Variants in DLG2 observed in about 807,000 individuals in gnomAD.
DLG2 encodes the protein discs large MAGUK scaffold protein 2.
A neutral mutation model predicts 132.5 loss-of-function variants in DLG2; 45 were observed. That is an observed-to-expected ratio of 0.34 (90% confidence interval 0.27 to 0.44). DLG2 has a LOEUF of 0.44. Among genes scored for constraint, DLG2 ranks in the 20% least tolerant of loss-of-function variants. The pLI, the probability that DLG2 is intolerant of heterozygous loss-of-function variation, is 1.00. For synonymous variants in DLG2, 424 were observed against 419.6 expected, an observed-to-expected ratio of 1.01 and a Z score of -0.13; for missense variants, 1,045 against 1,196.9, an observed-to-expected ratio of 0.87 and a Z score of 1.87.
chr11:84,158,072 T>G (rs1020377294), intron 9 of DLG2, among the ~76,000 whole-genome samples: 1 of 127,704 alleles, frequency 7.8e-6, no homozygotes, highest in Non-Finnish European at 1.7e-5. Flanking sequence ...GTTTTTTTGG[T>G]TTTTTTTTTG....
rs562331919 is a variant in DLG2 at position 83,659,216 on chromosome 11, CA to C, written c.1826-25892del. Among the ~76,000 whole-genome samples, 44 of 152,264 alleles carry C rather than the reference CA, an allele frequency of 2.9e-4. 1 individual carries two copies. In the South Asian group the frequency reaches 6.8e-3, roughly 24 times the overall value. On this transcript the variant is annotated intron_variant, in intron 18 of 27. Coordinates refer to ENST00000376104, the MANE Select transcript of DLG2 (RefSeq NM_001142699.3). Reference sequence around the variant, plus strand: ...ACTTTACCTGTGTTAACTCATTTAACAAGTCTATAAGGTAGGTACTGTTATC... The same window carrying C: ...ACTTTACCTGTGTTAACTCATTTAACAGTCTATAAGGTAGGTACTGTTATC...
chr11:84,542,486 A>G (rs1043982504), intron 6 of DLG2, among the ~76,000 whole-genome samples: 1 of 152,178 alleles, frequency 6.6e-6, no homozygotes, highest in Non-Finnish European at 1.5e-5. Flanking sequence ...AAGAACCCTG[A>G]CATGTATCTT....
At chr11:83,868,371 GAGC>G (rs1454360091) in intron 16 of DLG2, among the ~76,000 whole-genome samples, 1 of 151,984 alleles carries the variant, frequency 6.6e-6, no homozygotes, top group Non-Finnish European at 1.5e-5. Flanking sequence ...TTTTTGGGGG[GAGC>G]AGTTTGATTT....
chr11:84,709,907 C>G (rs2060188790), intron 6 of DLG2, among the ~76,000 whole-genome samples: 1 of 151,898 alleles, frequency 6.6e-6, no homozygotes, highest in African/African-American at 2.4e-5. Context: ...GAGATTTACT[C>G]TGACTAACTC....
At chr11:85,399,376 A>G (rs1176319486) in intron 3 of DLG2, among the ~76,000 whole-genome samples, 1 of 152,196 alleles carries the variant, frequency 6.6e-6, no homozygotes, top group African/African-American at 2.4e-5. Flanking sequence ...TATAGATTCA[A>G]TGCCATCCCC....
chr11:85,496,905 C>T (rs1002403734), intron 3 of DLG2, among the ~76,000 whole-genome samples: 1 of 152,132 alleles, frequency 6.6e-6, no homozygotes, highest in African/African-American at 2.4e-5. Flanking sequence ...GACGTCCACT[C>T]AGAGACTACA....
At chr11:84,897,564 C>T (rs73518911) in intron 6 of DLG2, among the ~76,000 whole-genome samples, 2,969 of 151,940 alleles carry the variant, frequency 0.02, 80 homozygotes, top group African/African-American at 0.068. Context: ...TTTCCAAGAA[C>T]TCACTTATCA....
intron 19 of DLG2, among the ~76,000 whole-genome samples, chr11:83,606,056 G>C (rs1029855833): frequency 6.6e-6 from 1 of 152,120 alleles, no homozygotes; most frequent in Non-Finnish European, 1.5e-5. Flanking sequence ...CAGAGTCATC[G>C]GTGATTCTTT....
intron 17 of DLG2, among the ~76,000 whole-genome samples, chr11:83,824,003 C>G (rs1033210619): frequency 1.3e-5 from 2 of 152,150 alleles, no homozygotes; most frequent in African/African-American, 4.8e-5. Context: ...TCAGAAGCAA[C>G]AGTATTCCAA....
chr11:83,538,119 C>A (rs2095944957), intron 20 of DLG2, among the ~76,000 whole-genome samples: 1 of 152,162 alleles, frequency 6.6e-6, no homozygotes, highest in African/African-American at 2.4e-5. Context: ...AATGTCTGAT[C>A]TATAGTAATA....
intron 7 of DLG2, among the ~76,000 whole-genome samples, chr11:84,438,495 C>A (rs2099007916): frequency 1.3e-5 from 2 of 152,004 alleles, no homozygotes; most frequent in African/African-American, 4.8e-5. Flanking sequence ...ATAAAAAAAC[C>A]CAGGTTTTCT....
chr11:85,513,335 T>C (rs1565615885), intron 3 of DLG2, among the ~76,000 whole-genome samples: 1 of 151,912 alleles, frequency 6.6e-6, no homozygotes. Flanking sequence ...ACCCTCTGAA[T>C]CTAAAGAAAT....
At position 84,760,160 on chromosome 11, in the gene DLG2, T is replaced by C. The variant is rs1049507519; in HGVS notation, c.358-225429A>G. On this transcript the variant is annotated intron_variant, in intron 6 of 27. Coordinates refer to ENST00000376104, the MANE Select transcript of DLG2 (RefSeq NM_001142699.3). ...CTTCCCAAAGGATTTAGATCAATAG[T>C]AGCCAACACAGTCCACTCATGCTCA... 5.3e-5 allele frequency among the ~76,000 whole-genome samples: 8 copies of C among 152,344 alleles called. No individual in the cohort carries two copies. In the South Asian group the frequency reaches 1.5e-3, roughly 28 times the overall value.
At chr11:85,310,187 T>C (rs1596135379) in intron 3 of DLG2, among the ~76,000 whole-genome samples, 2 of 152,230 alleles carry the variant, frequency 1.3e-5, no homozygotes, top group South Asian at 4.1e-4. Flanking sequence ...TCCATCAAAC[T>C]GCCTTAGCTT....
chr11:84,073,499 T>G (rs901217512), intron 10 of DLG2, among the ~76,000 whole-genome samples: 1 of 152,024 alleles, frequency 6.6e-6, no homozygotes, highest in Non-Finnish European at 1.5e-5. Flanking sequence ...GAGTACCAGG[T>G]ATTGTATAGG....
chr11:84,766,135 C>T (rs1033667464), intron 6 of DLG2, among the ~76,000 whole-genome samples: 2 of 151,982 alleles, frequency 1.3e-5, no homozygotes, highest in African/African-American at 4.8e-5. Context: ...GGGGAAGGAA[C>T]ATTGTGGAGA....
intron 6 of DLG2, among the ~76,000 whole-genome samples, chr11:84,704,318 A>G (rs183024083): frequency 2.4e-4 from 37 of 151,716 alleles, no homozygotes; most frequent in African/African-American, 8.2e-4. Flanking sequence ...TCTTCTGTAA[A>G]GTATTTAAAA....
In DLG2 at chr11:83,455,930, A is replaced by G. The variant is rs1591138907; in HGVS notation, c.*3888T>C. 1 of 152,544 alleles carries G rather than the reference A, an allele frequency of 6.6e-6. No homozygotes were observed. Among genetic ancestry groups the G allele is most frequent in the African/African-American group, 2.4e-5 (1 of 41,456 alleles). The allele number at this position is 152,544 out of a possible 1,614,324, so 9.4% of individuals were successfully genotyped here. On this transcript the variant is annotated 3_prime_UTR_variant, in exon 28 of 28. Transcript: ENST00000376104. ...GGCTTAAATATATTTGTAGGAATTT[A>G]GGCAGGACCAAGACAGGAAAGAAGA...
rs148223242 is a variant in DLG2, at chr11:83,535,993, G to A, written c.2118-3210C>T. ...TTCAGTGTCTGTCCACAGCCACTCA[G>A]TTTGGGAAACAGCATTCAGGTACCT... On this transcript the variant is annotated intron_variant, in intron 20 of 27. Coordinates refer to ENST00000376104, the MANE Select transcript of DLG2 (RefSeq NM_001142699.3). Among the ~76,000 whole-genome samples, 37 of 152,250 alleles carry A rather than the reference G, an allele frequency of 2.4e-4. 1 individual carries two copies. The East Asian group carries it at 7.1e-3, about 29-fold the overall frequency.
Sources: allele counts gnomAD v4.1 joint callset (sites outside exome capture counted in the v4.1 genomes callset), GRCh38; gene constraint gnomAD v4.1.1; transcripts MANE v1.5; gene names NCBI Gene and HGNC (gene_info 2026-07-23, HGNC 2026-07-21).